SLC17A8: variants seen among roughly 807,000 people sequenced by gnomAD.
SLC17A8 encodes the protein solute carrier family 17 member 8, also known as vesicular glutamate transporter 3.
In SLC17A8, 31 loss-of-function variants were observed where a neutral mutation model predicts 58.0. The observed-to-expected ratio is 0.53, with a 90% CI of 0.40 to 0.72. SLC17A8 has a LOEUF of 0.72. Among genes scored for constraint, SLC17A8 ranks in the 30% least tolerant of loss-of-function variants. SLC17A8 has a pLI of 0.00. For synonymous variants in SLC17A8, 228 were observed against 249.0 expected, an observed-to-expected ratio of 0.92 and a Z score of 0.79; for missense variants, 655 against 727.8, an observed-to-expected ratio of 0.90 and a Z score of 1.15.
intron 10 of SLC17A8, among the ~76,000 whole-genome samples, chr12:100,414,688 A>G (rs7976164): frequency 0.065 from 9,862 of 152,278 alleles, 639 homozygotes; most frequent in African/African-American, 0.17. Flanking sequence ...TACTTATTCA[A>G]ATAAAAACCT....
intron 2 of SLC17A8, 118 bp downstream of exon 2, chr12:100,381,071 A>G: frequency 8.6e-7 from 1 of 1,156,436 alleles, no homozygotes. Flanking sequence ...TGCCAGGTTG[A>G]AATTAACCTC....
chr12:100,360,996 A>G (rs1343871685), intron 1 of SLC17A8, among the ~76,000 whole-genome samples: 1 of 152,206 alleles, frequency 6.6e-6, no homozygotes, highest in African/African-American at 2.4e-5. Context: ...TGTCTTCAGC[A>G]TTCAGGAGTG....
At chr12:100,373,878 T>A (rs1033074375) in intron 1 of SLC17A8, among the ~76,000 whole-genome samples, 1 of 152,148 alleles carries the variant, frequency 6.6e-6, no homozygotes, top group South Asian at 2.1e-4. Flanking sequence ...CATGAGCCAC[T>A]GTGCCTGGCC....
intron 2 of SLC17A8, among the ~76,000 whole-genome samples, chr12:100,383,285 C>T (rs1249986891): frequency 6.6e-6 from 1 of 152,210 alleles, no homozygotes; most frequent in African/African-American, 2.4e-5. Context: ...CTAGTGTGCG[C>T]TCTCTAGTTT....
At position 100,420,908 on chromosome 12, in the gene SLC17A8, A is replaced by G. The variant is rs1952944113; in HGVS notation, c.*749A>G. The G allele has an allele frequency of 6.6e-6, 1 of 152,272 alleles. No homozygotes were observed. The highest frequency in any genetic ancestry group is 2.4e-5 in the African/African-American group (1 of 41,460). 9.4% of individuals were successfully genotyped at this position (152,272 alleles called of 1,614,324 possible). A position where few individuals can be genotyped will look rare whatever the true frequency, so the allele number is the denominator to read the frequency against. On this transcript the variant is annotated 3_prime_UTR_variant, in exon 12 of 12. Coordinates refer to ENST00000323346, the MANE Select transcript of SLC17A8 (RefSeq NM_139319.3). ...AGGGGATTCAAATGTGTGAGAGGCT[A>G]GATTCAAAGACCCTCAGTGTTCTAT...
At position 100,409,952 on chromosome 12, in the gene SLC17A8, A is replaced by T. The variant is rs113815735; in HGVS notation, c.1187-2818A>T. Reference sequence around the variant, plus strand: ...CATTATAGAACACTATACTCATGATATGGAGCTCATGACAAACACGTTAAG... The same window carrying T: ...CATTATAGAACACTATACTCATGATTTGGAGCTCATGACAAACACGTTAAG... On this transcript the variant is annotated intron_variant, in intron 9 of 11. Coordinates refer to ENST00000323346, the MANE Select transcript of SLC17A8 (RefSeq NM_139319.3). Among the ~76,000 whole-genome samples, 636 of 152,352 alleles carry T rather than the reference A, an allele frequency of 4.2e-3. 7 individuals carry two copies. The highest frequency in any genetic ancestry group is 0.014 in the African/African-American group (599 of 41,582).
At chr12:100,371,970 A>T (rs1420071412) in intron 1 of SLC17A8, among the ~76,000 whole-genome samples, 1 of 152,166 alleles carries the variant, frequency 6.6e-6, no homozygotes, top group African/African-American at 2.4e-5. Flanking sequence ...GATAATATAT[A>T]TTTTATAGAA....
rs895716957 is a variant in SLC17A8, at chr12:100,414,561, GA to G, written c.1297+1682del. Among the ~76,000 whole-genome samples, 75 of 152,260 alleles carry G rather than the reference GA, an allele frequency of 4.9e-4. 1 individual carries two copies. Among genetic ancestry groups the G allele is most frequent in the African/African-American group, 1.8e-3 (74 of 41,544 alleles). ...TAGGGTTGTTGGGAGGATAAACTTA[GA>G]TAATTCATGTATTTCCCCGCACTTC... On this transcript the variant is annotated intron_variant, in intron 10 of 11. Transcript: ENST00000323346.
At chr12:100,408,750 T>G (rs1952844349) in intron 9 of SLC17A8, among the ~76,000 whole-genome samples, 1 of 152,208 alleles carries the variant, frequency 6.6e-6, no homozygotes, top group African/African-American at 2.4e-5. Context: ...TTCTGCATGC[T>G]TCTGTTCAGA....
Position 100,402,578 on chromosome 12 carries a change from G to A in SLC17A8, c.904-18G>A. Reference sequence around the variant, plus strand: ...TCAATATCTTTACTAAAAATATCATGGTATTTTTACTCCCTAGAAATTTAG... The same window carrying A: ...TCAATATCTTTACTAAAAATATCATAGTATTTTTACTCCCTAGAAATTTAG... On this transcript the variant is annotated intron_variant, in intron 7 of 11. Coordinates refer to ENST00000323346, the MANE Select transcript of SLC17A8 (RefSeq NM_139319.3). The A allele has an allele frequency of 6.2e-7, 1 of 1,613,180 alleles. No homozygotes were observed. The highest frequency in any genetic ancestry group is 8.5e-7 in the Non-Finnish European group (1 of 1,179,506).
chr12:100,357,133 G>A lies in SLC17A8; in HGVS notation c.-259G>A. 2.3e-6 allele frequency: 1 copy of A among 429,096 alleles called. No homozygotes were observed. The highest frequency in any genetic ancestry group is 4.3e-6 in the Non-Finnish European group (1 of 230,102). 26.6% of individuals were successfully genotyped at this position (429,096 alleles called of 1,614,324 possible). ...GGCTGCTGCAGAGCGTGCAGCTTTTGCAAGGGACTGAATTCCCAGCCAGAC... is the reference window on the plus strand; with the variant it reads ...GGCTGCTGCAGAGCGTGCAGCTTTTACAAGGGACTGAATTCCCAGCCAGAC... On this transcript the variant is annotated 5_prime_UTR_variant, in exon 1 of 12. Transcript: ENST00000323346.
intron 1 of SLC17A8, among the ~76,000 whole-genome samples, chr12:100,357,953 T>C (rs1310335877): frequency 1.3e-5 from 2 of 152,190 alleles, no homozygotes; most frequent in Non-Finnish European, 2.9e-5. Context: ...CCTGATTGTA[T>C]AGTTTGCAAA....
At chr12:100,365,043 G>A (rs914843803) in intron 1 of SLC17A8, among the ~76,000 whole-genome samples, 2 of 152,176 alleles carry the variant, frequency 1.3e-5, no homozygotes, top group African/African-American at 4.8e-5. Flanking sequence ...TATAGGTCAG[G>A]TGGAAAACTG....
intron 10 of SLC17A8, among the ~76,000 whole-genome samples, chr12:100,416,633 C>A (rs1385881007): frequency 2.0e-5 from 3 of 151,936 alleles, no homozygotes; most frequent in Non-Finnish European, 4.4e-5. Context: ...ATTTCAGTAG[C>A]TGAAGCTGGT....
chr12:100,375,334 G>A (rs1233521222), intron 1 of SLC17A8, among the ~76,000 whole-genome samples: 1 of 152,038 alleles, frequency 6.6e-6, no homozygotes, highest in East Asian at 1.9e-4. Flanking sequence ...AGGAGGCTGG[G>A]GGAGCATTCA....
chr12:100,382,311 G>A lies in SLC17A8; in HGVS notation c.354+1358G>A, dbSNP rs561536961. On this transcript the variant is annotated intron_variant, in intron 2 of 11. Transcript: ENST00000323346. ...TGGAGGCCACAGGGCCAGTTCAGAG[G>A]CCATCATAGTTATAAGCAAGGATAC... Among the ~76,000 whole-genome samples, 142 of 152,314 alleles carry A rather than the reference G, an allele frequency of 9.3e-4. 2 individuals carry two copies. Among genetic ancestry groups the A allele is most frequent in the Admixed American group, 2.1e-3 (32 of 15,290 alleles).
At chr12:100,385,114 C>CTGTG (rs779729764) in intron 2 of SLC17A8, among the ~76,000 whole-genome samples, 14 of 150,610 alleles carry the variant, frequency 9.3e-5, no homozygotes, top group African/African-American at 1.7e-4. Context: ...CTCTCTCTCT[C>CTGTG]TCTGTGTGTG....
In SLC17A8 at chr12:100,404,056, G is replaced by T. The variant is rs1952809553; in HGVS notation, c.1072G>T (p.Val358Phe). ...AISKVGLLSAVPHMVMTIVVP... is the reference protein window; with the variant it reads ...AISKVGLLSAFPHMVMTIVVP... ...CTTCCAGGTGGGTCTCTTGTCAGCA[G>T]TCCCACACATGGTTATGACAATCGT... The change falls in exon 9 of 12, where the codon GTC becomes TTC. Residue 358 changes from valine (V) to phenylalanine (F), a missense_variant. Val to Phe is a conservative substitution (Grantham distance 50). Coordinates refer to ENST00000323346, the MANE Select transcript of SLC17A8 (RefSeq NM_139319.3). The T allele has an allele frequency of 1.2e-6, 2 of 1,614,130 alleles. No homozygotes were observed. Among genetic ancestry groups the T allele is most frequent in the East Asian group, 4.5e-5 (2 of 44,880 alleles).
chr12:100,400,927 T>G, intron 5 of SLC17A8, among the ~76,000 whole-genome samples: 1 of 151,694 alleles, frequency 6.6e-6, no homozygotes, highest in East Asian at 1.9e-4. Flanking sequence ...CATGTAAAAA[T>G]GTACCCATTC....
Sources: allele counts gnomAD v4.1 joint callset (sites outside exome capture counted in the v4.1 genomes callset), GRCh38; gene constraint gnomAD v4.1.1; transcripts MANE v1.5; gene names NCBI Gene and HGNC (gene_info 2026-07-23, HGNC 2026-07-21).